Variants in GIPC2 observed in about 807,000 individuals in gnomAD.
GIPC2 encodes GIPC PDZ domain containing family member 2, also known as PDZ domain-containing protein GIPC2.
Under a neutral mutation model 30.6 loss-of-function variants are expected in GIPC2, and 30 were observed. The observed-to-expected ratio is 0.98, with a 90% CI of 0.73 to 1.33. The LOEUF (loss-of-function observed/expected upper bound fraction) is 1.33. Among genes scored for constraint, GIPC2 ranks in the 40% most tolerant of loss-of-function variants. GIPC2 has a pLI of 0.00. For missense variants in GIPC2, 414 were observed against 390.3 expected (o/e 1.06, Z -0.51); for synonymous variants, 167 against 150.0 (o/e 1.11, Z -0.83).
intron 2 of GIPC2, among the ~76,000 whole-genome samples, chr1:78,082,991 T>C (rs1274000021): frequency 6.6e-6 from 1 of 152,138 alleles, no homozygotes; most frequent in East Asian, 1.9e-4. Context: ...CAGAGTGTAA[T>C]TACTAAGAAC....
intron 1 of GIPC2, among the ~76,000 whole-genome samples, chr1:78,068,139 A>T (rs990367042): frequency 6.6e-6 from 1 of 152,336 alleles, no homozygotes; most frequent in East Asian, 1.9e-4. Context: ...CCAAAAAAAA[A>T]ACCTTTTAGT....
intron 3 of GIPC2, among the ~76,000 whole-genome samples, chr1:78,102,658 T>G (rs529136491): frequency 2.0e-5 from 3 of 152,374 alleles, no homozygotes; most frequent in East Asian, 1.9e-4. Context: ...CTTGGTCTCC[T>G]CATACAAAAT....
chr1:78,112,626 C>G, intron 3 of GIPC2: 1 of 500,578 alleles, frequency 2.0e-6, no homozygotes, highest in South Asian at 1.4e-5. Flanking sequence ...TTGGTCCTTC[C>G]GTCAGTTGAG....
At chr1:78,047,483 A>G (rs1164746401) in intron 1 of GIPC2, among the ~76,000 whole-genome samples, 1 of 152,154 alleles carries the variant, frequency 6.6e-6, no homozygotes, top group Non-Finnish European at 1.5e-5. Flanking sequence ...AATTATTTGT[A>G]TTGATATAGG....
In GIPC2 at chr1:78,046,381, G is replaced by A. The variant is rs1021145130; in HGVS notation, c.240+47G>A. Reference sequence around the variant, plus strand: ...CTCTCCCGCCTCTCCGCCGCGCCGCGCCGCGCCGCGCGTATTTCTGTGGGC... The same window carrying A: ...CTCTCCCGCCTCTCCGCCGCGCCGCACCGCGCCGCGCGTATTTCTGTGGGC... On this transcript the variant is annotated intron_variant, in intron 1 of 5. Transcript: ENST00000370759. The A allele has an allele frequency of 7.9e-6, 12 of 1,526,826 alleles. No homozygotes were observed. In the African/African-American group the frequency reaches 9.6e-5, roughly 12 times the overall value. 94.6% of individuals were successfully genotyped at this position (1,526,826 alleles called of 1,614,324 possible).
chr1:78,072,303 G>A (rs946219080), intron 1 of GIPC2, among the ~76,000 whole-genome samples: 1 of 152,194 alleles, frequency 6.6e-6, no homozygotes, highest in Non-Finnish European at 1.5e-5. Context: ...CATTTCACTG[G>A]AAGTGGGAGC....
At chr1:78,075,449 C>T (rs1305275940) in intron 1 of GIPC2, among the ~76,000 whole-genome samples, 1 of 152,162 alleles carries the variant, frequency 6.6e-6, no homozygotes, top group Non-Finnish European at 1.5e-5. Flanking sequence ...GAGTGAGACC[C>T]TGTCTCAAAA....
rs540970974 is a variant in GIPC2, at chr1:78,047,368, G to C, written c.240+1034G>C. Among the ~76,000 whole-genome samples the C allele has an allele frequency of 7.2e-5, 11 of 152,298 alleles. No homozygotes were observed. The South Asian group carries it at 2.3e-3, about 32-fold the overall frequency. On this transcript the variant is annotated intron_variant, in intron 1 of 5. Coordinates refer to ENST00000370759, the MANE Select transcript of GIPC2 (RefSeq NM_017655.6). ...ATCAGGTCTGTTCAAGGGAAATTGA[G>C]GTCAAGGCAAAATTCCAAGAGGAGA... is the stretch of plus-strand genomic sequence containing the variant.
intron 1 of GIPC2, among the ~76,000 whole-genome samples, chr1:78,055,341 C>T (rs1486261030): frequency 6.6e-6 from 1 of 152,142 alleles, no homozygotes; most frequent in Non-Finnish European, 1.5e-5. Context: ...GGGACACACA[C>T]ATGTTCAGTC....
intron 1 of GIPC2, among the ~76,000 whole-genome samples, chr1:78,061,766 AC>A (rs1204835618): frequency 6.6e-6 from 1 of 151,780 alleles, no homozygotes; most frequent in Non-Finnish European, 1.5e-5. Flanking sequence ...ATAGGCGCAC[AC>A]CACCATGCCC....
intron 3 of GIPC2, among the ~76,000 whole-genome samples, chr1:78,118,589 G>A (rs1662616624): frequency 6.6e-6 from 1 of 152,190 alleles, no homozygotes; most frequent in African/African-American, 2.4e-5. Context: ...GGCTCCCTGT[G>A]AACTCTTGCT....
At position 78,076,448 on chromosome 1, in the gene GIPC2, T is replaced by A. The variant is rs184402346; in HGVS notation, c.241-4227T>A. Among the ~76,000 whole-genome samples the A allele has an allele frequency of 2.0e-3, 307 of 152,240 alleles. 1 individual carries two copies. The highest frequency in any genetic ancestry group is 6.7e-3 in the African/African-American group (280 of 41,544). ...CAGTTTTTCCATGTATTGGGACAAG[T>A]GGGATGGTCTCTGGATGAAACTGTT... On this transcript the variant is annotated intron_variant, in intron 1 of 5. Coordinates refer to ENST00000370759, the MANE Select transcript of GIPC2 (RefSeq NM_017655.6).
At chr1:78,096,125 A>G (rs77608940) in intron 3 of GIPC2, among the ~76,000 whole-genome samples, 2,506 of 152,334 alleles carry the variant, frequency 0.016, 44 homozygotes, top group South Asian at 0.081. Context: ...GCAGTTTTCC[A>G]GAAGGTGTAA....
chr1:78,128,741 GCCCTAA>G (rs368764122), intron 5 of GIPC2, among the ~76,000 whole-genome samples: 13 of 151,858 alleles, frequency 8.6e-5, no homozygotes, highest in Non-Finnish European at 1.2e-4. Flanking sequence ...TTGGCTTGAG[GCCCTAA>G]CCCTAACCCT....
At chr1:78,070,337 T>G (rs1661594467) in intron 1 of GIPC2, among the ~76,000 whole-genome samples, 1 of 152,190 alleles carries the variant, frequency 6.6e-6, no homozygotes, top group Non-Finnish European at 1.5e-5. Context: ...CCATCTTTAA[T>G]GTTAAACAAG....
At chr1:78,094,651 A>G (rs112372179) in intron 2 of GIPC2, among the ~76,000 whole-genome samples, 283 of 152,330 alleles carry the variant, frequency 1.9e-3, no homozygotes, top group African/African-American at 6.4e-3. Context: ...TGAATTCTGA[A>G]TGATAAGGAA....
chr1:78,054,062 C>G (rs991026762), intron 1 of GIPC2, among the ~76,000 whole-genome samples: 1 of 152,216 alleles, frequency 6.6e-6, no homozygotes, highest in Non-Finnish European at 1.5e-5. Flanking sequence ...TAATAATCCC[C>G]TTTACATTCA....
intron 2 of GIPC2, among the ~76,000 whole-genome samples, chr1:78,087,835 T>C (rs1277786588): frequency 6.6e-6 from 1 of 151,826 alleles, no homozygotes; most frequent in Non-Finnish European, 1.5e-5. Flanking sequence ...ACCTACAGAA[T>C]AGGAGAAAAA....
intron 1 of GIPC2, among the ~76,000 whole-genome samples, chr1:78,054,549 G>C (rs1012924419): frequency 1.3e-5 from 2 of 152,102 alleles, no homozygotes; most frequent in African/African-American, 4.8e-5. Flanking sequence ...TTCATTCTCT[G>C]TATTTTCTTT....
Sources: allele counts gnomAD v4.1 joint callset (sites outside exome capture counted in the v4.1 genomes callset), GRCh38; gene constraint gnomAD v4.1.1; transcripts MANE v1.5; gene names NCBI Gene and HGNC (gene_info 2026-07-23, HGNC 2026-07-21).